The following USP40 variants were observed in gnomAD, a reference collection of about 807,000 sequenced individuals.
USP40 encodes the protein ubiquitin carboxyl-terminal hydrolase 40.
A neutral mutation model predicts 166.2 loss-of-function variants in USP40; 143 were observed. That is an observed-to-expected ratio of 0.86 (90% CI 0.75 to 0.99). The LOEUF is 0.99. Ranked by LOEUF, USP40 falls within the 50% of genes least tolerant of loss-of-function variation. The probability of loss-of-function intolerance (pLI) is 0.00; values close to 1 mark genes in which losing one functional copy is unlikely to be tolerated. For missense variants in USP40, 1,444 were observed against 1,479.7 expected, an observed-to-expected ratio of 0.98 and a Z score of 0.40; for synonymous variants, 498 against 524.0, an observed-to-expected ratio of 0.95 and a Z score of 0.68.
intron 18 of USP40, among the ~76,000 whole-genome samples, chr2:233,513,900 G>C (rs2067000147): frequency 6.6e-6 from 1 of 152,200 alleles, no homozygotes; most frequent in African/African-American, 2.4e-5. Context: ...ACAATAGTCT[G>C]AGCCTTAGAA....
chr2:233,559,714 C>A (rs959799706), intron 4 of USP40, 97 bp downstream of exon 4: 106 of 771,034 alleles, frequency 1.4e-4, no homozygotes, highest in Non-Finnish European at 1.9e-4. Flanking sequence ...TATGTTGAGA[C>A]CCTAAGACAA....
Position 233,511,706 on chromosome 2 carries a change from T to C in USP40, c.2526+3A>G. On this transcript the variant is annotated splice_donor_region_variant and intron_variant, in intron 20 of 31. Coordinates refer to ENST00000678225, the MANE Select transcript of USP40 (RefSeq NM_001365479.2). The stretch of plus-strand genomic sequence containing the variant: ...TGTTTTGAAACAGGTGACCTTATTT[T>C]ACCTGAGACGAACTTGGTGCTTTTC... 1 of 1,608,486 alleles carries C rather than the reference T, an allele frequency of 6.2e-7. No homozygotes were observed. The highest frequency in any genetic ancestry group is 8.5e-7 in the Non-Finnish European group (1 of 1,177,554).
At chr2:233,516,437 C>G (rs2067201525) in intron 18 of USP40, among the ~76,000 whole-genome samples, 1 of 152,120 alleles carries the variant, frequency 6.6e-6, no homozygotes, top group South Asian at 2.1e-4. Context: ...GTGGCTCACA[C>G]CTGTAATCCC....
intron 27 of USP40, among the ~76,000 whole-genome samples, 171 bp from the exon 28 acceptor site, chr2:233,488,475 G>T (rs2065095995): frequency 6.6e-6 from 1 of 152,192 alleles, no homozygotes; most frequent in South Asian, 2.1e-4. Flanking sequence ...TTGCTGCGGT[G>T]ATTATTTAGA....
chr2:233,507,998 CATTTTGG>C (rs545744874), intron 21 of USP40, among the ~76,000 whole-genome samples: 104 of 152,024 alleles, frequency 6.8e-4, no homozygotes, highest in Non-Finnish European at 1.2e-3. Flanking sequence ...GATTTTGGAG[CATTTTGG>C]ATTTTGGATT....
chr2:233,505,203 G>C (rs1485395380), intron 21 of USP40, among the ~76,000 whole-genome samples: 1 of 152,018 alleles, frequency 6.6e-6, no homozygotes, highest in East Asian at 1.9e-4. Context: ...AGTTCTAAGA[G>C]GGAAGTTCAC....
In USP40 at chr2:233,476,903, C is replaced by T. The variant is rs773401013; in HGVS notation, c.*489G>A. On this transcript the variant is annotated 3_prime_UTR_variant, in exon 32 of 32. Transcript: ENST00000678225. ...AATGAAGTCCTGAAAGCAGACCCCACTTCTGCCCGCTTCTGCTCAGCACCA... is the reference window on the plus strand; with the variant it reads ...AATGAAGTCCTGAAAGCAGACCCCATTTCTGCCCGCTTCTGCTCAGCACCA... The T allele has an allele frequency of 4.1e-5, 9 of 217,248 alleles. No homozygotes were observed. Among genetic ancestry groups the T allele is most frequent in the Non-Finnish European group, 7.5e-5 (8 of 107,210 alleles). The allele number at this position is 217,248 out of a possible 1,614,324, so 13.5% of individuals were successfully genotyped here.
intron 24 of USP40, among the ~76,000 whole-genome samples, chr2:233,494,962 A>ATATATATATATT (rs2065641938): frequency 5.0e-4 from 36 of 71,340 alleles, no homozygotes; most frequent in South Asian, 1.3e-3. Context: ...ATATTTATAT[A>ATATATATATATT]TATATATATA....
chr2:233,565,643 C>T (rs1344577243), intron 1 of USP40, 70 bp from the exon 2 acceptor site: 1 of 1,296,566 alleles, frequency 7.7e-7, no homozygotes, highest in Admixed American at 2.4e-5. Flanking sequence ...CTACCTTACA[C>T]TTGGGAGTCG....
chr2:233,549,236 G>T lies in USP40; in HGVS notation c.838-7C>A. On this transcript the variant is annotated splice_polypyrimidine_tract_variant and splice_region_variant and intron_variant, in intron 7 of 31. Coordinates refer to ENST00000678225, the MANE Select transcript of USP40 (RefSeq NM_001365479.2). ...CTAAGTCATCCAATTCACTCTAAAAGAAAAAAGAACAAAAATATTGATATA... is the reference window on the plus strand; with the variant it reads ...CTAAGTCATCCAATTCACTCTAAAATAAAAAAGAACAAAAATATTGATATA... 1 of 1,350,026 alleles carries T rather than the reference G, an allele frequency of 7.4e-7. No homozygotes were observed. Among genetic ancestry groups the T allele is most frequent in the Non-Finnish European group, 1.0e-6 (1 of 997,696 alleles). The allele number at this position is 1,350,026 out of a possible 1,614,324, so 83.6% of individuals were successfully genotyped here. A position where few individuals can be genotyped will look rare whatever the true frequency, so the allele number is the denominator to read the frequency against.
chr2:233,533,171 T>C (rs55679565), intron 11 of USP40, among the ~76,000 whole-genome samples: 120,415 of 152,094 alleles, frequency 0.79, 47,752 homozygotes, highest in East Asian at 0.87. Context: ...AGTCTGAGCA[T>C]ATGGCAATCG....
chr2:233,491,036 G>C, intron 26 of USP40, 131 bp downstream of exon 26: 1 of 808,888 alleles, frequency 1.2e-6, no homozygotes, highest in Admixed American at 2.0e-5. Context: ...ACTTACCACT[G>C]AACATGGCAT....
chr2:233,500,042 GAT>G, intron 21 of USP40, 127 bp from the exon 22 acceptor site: 1 of 694,856 alleles, frequency 1.4e-6, no homozygotes, highest in South Asian at 2.5e-5. Flanking sequence ...AATAGGCAAG[GAT>G]AGACATAGTT....
At chr2:233,491,917 C>A (rs2065373509) in intron 25 of USP40, among the ~76,000 whole-genome samples, 1 of 152,184 alleles carries the variant, frequency 6.6e-6, no homozygotes, top group Admixed American at 6.5e-5. Context: ...ACTGTCTTTA[C>A]TGCTGAGCAT....
Position 233,566,752 on chromosome 2 carries a change from C to T in USP40, c.-88G>A, listed in dbSNP as rs1291973511. On this transcript the variant is annotated 5_prime_UTR_variant, in exon 1 of 32. Transcript: ENST00000678225. ...ACGAACCCGCCCCAACTGGGCGCCGCCATGTTGGCGAGGGCGGGTCTCCAG... is the reference window on the plus strand; with the variant it reads ...ACGAACCCGCCCCAACTGGGCGCCGTCATGTTGGCGAGGGCGGGTCTCCAG... 1.0e-6 allele frequency: 1 copy of T among 985,964 alleles called. No homozygotes were observed. The allele number at this position is 985,964 out of a possible 1,614,324, so 61.1% of individuals were successfully genotyped here.
intron 24 of USP40, among the ~76,000 whole-genome samples, chr2:233,495,643 G>C (rs867086828): frequency 6.6e-6 from 1 of 152,118 alleles, no homozygotes; most frequent in Non-Finnish European, 1.5e-5. Flanking sequence ...GTGTGTGCAA[G>C]TGTGTGTGTA....
At chr2:233,489,215 G>A (rs2065145324) in intron 27 of USP40, 150 bp downstream of exon 27, 1 of 725,578 alleles carries the variant, frequency 1.4e-6, no homozygotes, top group African/African-American at 1.8e-5. Context: ...AGTTTATGAT[G>A]AAAAGTGTCA....
In USP40 at chr2:233,548,408, T is replaced by A. The variant is rs74421368; in HGVS notation, c.966+693A>T. Among the ~76,000 whole-genome samples, 967 of 152,338 alleles carry A rather than the reference T, an allele frequency of 6.3e-3. 22 individuals are homozygous for A. The East Asian group carries it at 0.084, about 13-fold the overall frequency. On this transcript the variant is annotated intron_variant, in intron 8 of 31. Transcript: ENST00000678225. ...TGCAGGATACAAAATTAATATTGTG[T>A]GTTATCTAAATCAATGCTCATTTTA...
intron 12 of USP40, among the ~76,000 whole-genome samples, chr2:233,528,274 C>G (rs559269420): frequency 6.6e-6 from 1 of 152,102 alleles, no homozygotes; most frequent in Non-Finnish European, 1.5e-5. Context: ...CCACTGCGAC[C>G]GGCCCCATGA....
Sources: allele counts gnomAD v4.1 joint callset (sites outside exome capture counted in the v4.1 genomes callset), GRCh38; gene constraint gnomAD v4.1.1; transcripts MANE v1.5; gene names NCBI Gene and HGNC (gene_info 2026-07-23, HGNC 2026-07-21).